Variants in SPON1 observed in about 807,000 individuals in gnomAD.
SPON1 encodes the protein spondin-1.
Under a neutral mutation model 111.7 loss-of-function variants are expected in SPON1, and 52 were observed. The observed-to-expected ratio is 0.47, with a 90% confidence interval of 0.37 to 0.59. SPON1 has a LOEUF of 0.59. Ranked by LOEUF, SPON1 falls within the 20% of genes least tolerant of loss-of-function variation. The pLI, the probability that SPON1 is intolerant of heterozygous loss-of-function variation, is 0.00. For missense variants in SPON1, 957 were observed against 1,068.5 expected (o/e 0.90, Z 1.46); for synonymous variants, 410 against 395.8 (o/e 1.04, Z -0.43).
intron 6 of SPON1, among the ~76,000 whole-genome samples, chr11:14,205,608 A>G (rs1240179779): frequency 6.6e-5 from 10 of 152,208 alleles, no homozygotes; most frequent in Admixed American, 6.5e-4. Flanking sequence ...TAAAAGAGAT[A>G]TTGTATAGAG....
At chr11:14,090,771 G>A (rs539334812) in intron 5 of SPON1, among the ~76,000 whole-genome samples, 18 of 149,698 alleles carry the variant, frequency 1.2e-4, no homozygotes, top group Non-Finnish European at 2.5e-4. Context: ...AGTGTGGAAG[G>A]GGACCCGGTT....
chr11:14,063,338 G>C (rs1848806091), intron 3 of SPON1, among the ~76,000 whole-genome samples: 1 of 152,088 alleles, frequency 6.6e-6, no homozygotes, highest in Admixed American at 6.6e-5. Flanking sequence ...ATTAAAATGG[G>C]ATCACATTAA....
chr11:14,248,064 G>C (rs1388432433), intron 7 of SPON1, among the ~76,000 whole-genome samples: 1 of 152,194 alleles, frequency 6.6e-6, no homozygotes, highest in African/African-American at 2.4e-5. Context: ...AGGAAGCTTG[G>C]TACCGAGAAA....
intron 3 of SPON1, among the ~76,000 whole-genome samples, chr11:14,070,445 A>G (rs1489530541): frequency 1.3e-5 from 2 of 152,168 alleles, no homozygotes; most frequent in African/African-American, 4.8e-5. Context: ...CCTGACATCA[A>G]TCATAAAAAC....
At chr11:14,055,113 C>T (rs1432646636) in intron 3 of SPON1, among the ~76,000 whole-genome samples, 2 of 152,134 alleles carry the variant, frequency 1.3e-5, no homozygotes, top group African/African-American at 4.8e-5. Flanking sequence ...TGCCATCTGT[C>T]ATGTGTCCAA....
intron 2 of SPON1, among the ~76,000 whole-genome samples, chr11:14,007,003 C>T (rs1554913222): frequency 3.9e-5 from 6 of 152,210 alleles, no homozygotes; most frequent in Admixed American, 3.9e-4. Flanking sequence ...CCTCTGGGGG[C>T]TCTAGGGCAG....
In SPON1 at chr11:14,266,722, T is replaced by C. The variant is rs1849274148; in HGVS notation, c.*1035T>C. The stretch of plus-strand genomic sequence containing the variant: ...TTTAAAGTTATTTTAGTCATGAAAT[T>C]TTATATGCAGAGAGAAAAAGTTACC... On this transcript the variant is annotated 3_prime_UTR_variant, in exon 16 of 16. Transcript: ENST00000576479. 6.6e-6 allele frequency: 1 copy of C among 152,112 alleles called. No individual in the cohort carries two copies. The highest frequency in any genetic ancestry group is 2.1e-4 in the South Asian group (1 of 4,818). 9.4% of individuals were successfully genotyped at this position (152,112 alleles called of 1,614,324 possible).
intron 6 of SPON1, among the ~76,000 whole-genome samples, chr11:14,232,866 G>A (rs1405502185): frequency 1.3e-5 from 2 of 152,148 alleles, no homozygotes; most frequent in Non-Finnish European, 2.9e-5. Flanking sequence ...TGGCCAGTGG[G>A]GCAGCGGCGG....
At chr11:13,976,706 A>G (rs1848106180) in intron 1 of SPON1, among the ~76,000 whole-genome samples, 1 of 152,224 alleles carries the variant, frequency 6.6e-6, no homozygotes, top group Non-Finnish European at 1.5e-5. Flanking sequence ...ATCAAAATAT[A>G]ACTTACATAA....
intron 5 of SPON1, among the ~76,000 whole-genome samples, chr11:14,115,889 C>G (rs576668761): frequency 2.0e-5 from 3 of 152,038 alleles, no homozygotes; most frequent in Non-Finnish European, 4.4e-5. Flanking sequence ...TAATCTACAT[C>G]CTTGCCCATA....
At chr11:14,084,260 A>G (rs1277458056) in intron 5 of SPON1, among the ~76,000 whole-genome samples, 3 of 151,768 alleles carry the variant, frequency 2.0e-5, no homozygotes, top group Non-Finnish European at 4.4e-5. Flanking sequence ...TACGTCCCAC[A>G]TGCATTAGGT....
chr11:13,978,123 C>T (rs903946313), intron 1 of SPON1, among the ~76,000 whole-genome samples: 2 of 152,112 alleles, frequency 1.3e-5, no homozygotes, highest in Non-Finnish European at 2.9e-5. Context: ...TTTTTCTTAC[C>T]TTGCTATAGT....
intron 6 of SPON1, among the ~76,000 whole-genome samples, chr11:14,177,345 T>A (rs1848189298): frequency 2.0e-5 from 3 of 151,300 alleles, no homozygotes; most frequent in Non-Finnish European, 4.4e-5. Flanking sequence ...CAGCCCAGAG[T>A]TTTTAAGGAT....
chr11:14,079,565 A>G (rs1848944682), intron 4 of SPON1, among the ~76,000 whole-genome samples: 1 of 152,156 alleles, frequency 6.6e-6, no homozygotes, highest in South Asian at 2.1e-4. Flanking sequence ...GGAGACCAGG[A>G]TCCGGAAAGG....
At chr11:14,086,734 T>C (rs1554922674) in intron 5 of SPON1, among the ~76,000 whole-genome samples, 1 of 152,214 alleles carries the variant, frequency 6.6e-6, no homozygotes. Context: ...CCAACTCCTC[T>C]TTGTACCTCT....
chr11:14,224,997 G>C (rs532232896), intron 6 of SPON1, among the ~76,000 whole-genome samples: 1 of 152,136 alleles, frequency 6.6e-6, no homozygotes, highest in Non-Finnish European at 1.5e-5. Flanking sequence ...GACATGGCAC[G>C]GATGGAGTGA....
chr11:13,963,059 G>T lies in SPON1; in HGVS notation c.155G>T (p.Gly52Val). ...GYCSRILRAQ[G>V]TRREGYTEFS... is the part of the protein sequence containing the mutation. ...TGCAGCCGTATCCTGCGCGCCCAGG[G>T]CACGCGGCGCGAGGGCTACACCGAG... is the stretch of plus-strand genomic sequence containing the variant. Residue 52 changes from glycine (G) to valine (V), a missense_variant, in exon 1 of 16, where the codon GGC becomes GTC. Around this residue, in one of 5 missense-constraint regions of SPON1, gnomAD observed 262 missense variants for 253.9 expected, o/e 1.03. Transcript: ENST00000576479. 2 of 1,576,770 alleles carry T rather than the reference G, an allele frequency of 1.3e-6. No homozygotes were observed. Among genetic ancestry groups the T allele is most frequent in the Non-Finnish European group, 8.6e-7 (1 of 1,162,848 alleles).
intron 2 of SPON1, among the ~76,000 whole-genome samples, chr11:13,998,521 G>A (rs1398599241): frequency 6.6e-6 from 1 of 152,108 alleles, no homozygotes. Flanking sequence ...CCTCCTCTCT[G>A]AGATCTCAAA....
chr11:14,012,274 C>G (rs782708466), intron 2 of SPON1, among the ~76,000 whole-genome samples: 23 of 152,328 alleles, frequency 1.5e-4, no homozygotes, highest in Middle Eastern at 3.4e-3. Flanking sequence ...CTGAGCCCCA[C>G]TGACAGACAC....
Sources: gnomAD v4.1 joint callset for allele counts (sites outside exome capture counted in the v4.1 genomes callset) on GRCh38, gnomAD v4.1.1 for gene constraint, gnomAD v4.1.1 regional missense constraint, MANE v1.5 for transcripts, NCBI Gene and HGNC (gene_info 2026-07-23, HGNC 2026-07-21) for gene names.